KCNMA1: variants seen among roughly 807,000 people sequenced by gnomAD.
KCNMA1 encodes the protein Calcium-activated potassium channel subunit alpha-1.
In KCNMA1, 29 loss-of-function variants were observed where a neutral mutation model predicts 140.0. The observed-to-expected ratio is 0.21, with a 90% CI of 0.15 to 0.28. The LOEUF is 0.28. Ranked by LOEUF, KCNMA1 falls within the 10% of genes least tolerant of loss-of-function variation. The pLI is 1.00. For synonymous variants in KCNMA1, 612 were observed against 611.9 expected, an observed-to-expected ratio of 1.00 and a Z score of 0.00; for missense variants, 880 against 1,602.2, an observed-to-expected ratio of 0.55 and a Z score of 7.70.
At chr10:76,925,439 A>G (rs924647688) in intron 23 of KCNMA1, among the ~76,000 whole-genome samples, 13 of 152,218 alleles carry the variant, frequency 8.5e-5, no homozygotes, top group Non-Finnish European at 1.9e-4. Flanking sequence ...AGGCAGATAT[A>G]TACATTACAA....
Position 77,472,764 on chromosome 10 carries a change from G to C in KCNMA1, c.379-68741C>G, listed in dbSNP as rs148536772. Among the ~76,000 whole-genome samples, 159 of 152,322 alleles carry C rather than the reference G, an allele frequency of 1.0e-3. 6 individuals carry two copies. In the East Asian group the frequency reaches 0.024, roughly 23 times the overall value. ...TTTTAGTCTTTCATCTGTGACATCT[G>C]TGGAGAGCGCTGGAGCTTGTGTTTA... On this transcript the variant is annotated intron_variant, in intron 1 of 27. Coordinates refer to ENST00000286628, the MANE Select transcript of KCNMA1 (RefSeq NM_001161352.2).
chr10:77,235,901 C>A (rs2055263472), intron 3 of KCNMA1, among the ~76,000 whole-genome samples: 1 of 152,156 alleles, frequency 6.6e-6, no homozygotes, highest in South Asian at 2.1e-4. Flanking sequence ...ATGTCTAAGC[C>A]CTTGGAGTGT....
intron 2 of KCNMA1, among the ~76,000 whole-genome samples, chr10:77,387,582 T>C (rs11002146): frequency 6.7e-6 from 1 of 148,866 alleles, no homozygotes; most frequent in African/African-American, 2.6e-5. Context: ...TTTTTTTTCT[T>C]TTCTCTTTTC....
intron 2 of KCNMA1, among the ~76,000 whole-genome samples, chr10:77,386,758 TC>T (rs1325999536): frequency 6.6e-6 from 1 of 152,200 alleles, no homozygotes; most frequent in African/African-American, 2.4e-5. Flanking sequence ...CTGCCTCTGC[TC>T]CCCACTGCAA....
rs185975119 is a variant in KCNMA1 at position 77,255,342 on chromosome 10, G to A, written c.541-4086C>T. Among the ~76,000 whole-genome samples the A allele has an allele frequency of 1.6e-4, 25 of 152,296 alleles. 1 individual carries two copies. The highest frequency in any genetic ancestry group is 1.4e-3 in the Admixed American group (22 of 15,300). ...GGGCAGGGTGCAGTGGCTCATGCCTGTAATCCCAGCACTTTGGGAGGCCAT... is the reference window on the plus strand; with the variant it reads ...GGGCAGGGTGCAGTGGCTCATGCCTATAATCCCAGCACTTTGGGAGGCCAT... On this transcript the variant is annotated intron_variant, in intron 2 of 27. Transcript: ENST00000286628.
chr10:76,882,560 T>A (rs1028357780), downstream of KCNMA1, among the ~76,000 whole-genome samples: 1 of 152,194 alleles, frequency 6.6e-6, no homozygotes, highest in African/African-American at 2.4e-5. Context: ...AGATACAAAT[T>A]ATTTGTACCA....
chr10:77,425,773 A>T (rs949170296), intron 1 of KCNMA1, among the ~76,000 whole-genome samples: 5 of 152,180 alleles, frequency 3.3e-5, no homozygotes, highest in African/African-American at 1.2e-4. Flanking sequence ...GAGGACATTT[A>T]AAAATGCATG....
chr10:76,993,682 A>T (rs1215178814), intron 19 of KCNMA1, among the ~76,000 whole-genome samples: 1 of 152,122 alleles, frequency 6.6e-6, no homozygotes, highest in East Asian at 1.9e-4. Context: ...CCCTGCAGCC[A>T]CAGCAGCCCT....
chr10:77,051,979 C>G (rs2095384353), intron 14 of KCNMA1, among the ~76,000 whole-genome samples: 1 of 152,178 alleles, frequency 6.6e-6, no homozygotes, highest in Non-Finnish European at 1.5e-5. Flanking sequence ...ACCTTGTAGA[C>G]AGTCTATACA....
intron 1 of KCNMA1, among the ~76,000 whole-genome samples, chr10:77,589,269 G>A (rs991775388): frequency 3.9e-5 from 6 of 152,168 alleles, no homozygotes; most frequent in African/African-American, 1.4e-4. Context: ...GACTGGGGAG[G>A]CAGCACTGGA....
rs530682531 is a variant in KCNMA1 at position 77,303,767 on chromosome 10, C to T, written c.541-52511G>A. The stretch of plus-strand genomic sequence containing the variant: ...AATTCTTGGGCCACAGACTTAAAGA[C>T]TCAGAATTTGAGCCCATGGATTCTT... On this transcript the variant is annotated intron_variant, in intron 2 of 27. Transcript: ENST00000286628. Among the ~76,000 whole-genome samples, 4 of 152,272 alleles carry T rather than the reference C, an allele frequency of 2.6e-5. No individual in the cohort carries two copies. In the East Asian group the frequency reaches 7.7e-4, roughly 29 times the overall value.
At chr10:77,198,699 G>A (rs971903898) in intron 3 of KCNMA1, among the ~76,000 whole-genome samples, 2 of 151,490 alleles carry the variant, frequency 1.3e-5, no homozygotes, top group Non-Finnish European at 2.9e-5. Flanking sequence ...CTAAAAACTA[G>A]TTTCCTGTAA....
chr10:77,343,519 C>T (rs1446702701), intron 2 of KCNMA1, among the ~76,000 whole-genome samples: 2 of 152,124 alleles, frequency 1.3e-5, no homozygotes, highest in Non-Finnish European at 2.9e-5. Context: ...GAGGTGCCTT[C>T]CTGGCTGTTG....
At chr10:77,037,663 G>T (rs2094424658) in intron 15 of KCNMA1, among the ~76,000 whole-genome samples, 1 of 152,128 alleles carries the variant, frequency 6.6e-6, no homozygotes. Flanking sequence ...AGCCAAGGAA[G>T]GGGGCTTGAC....
intron 1 of KCNMA1, among the ~76,000 whole-genome samples, chr10:77,497,221 T>C (rs959306249): frequency 6.6e-6 from 1 of 152,232 alleles, no homozygotes; most frequent in Non-Finnish European, 1.5e-5. Context: ...AACTGTCTTT[T>C]ATGAATAATC....
chr10:77,554,292 A>G (rs2063590195), intron 1 of KCNMA1, among the ~76,000 whole-genome samples: 1 of 152,162 alleles, frequency 6.6e-6, no homozygotes, highest in Non-Finnish European at 1.5e-5. Flanking sequence ...GAGGTAAGGA[A>G]GAGTCCAAAG....
intron 25 of KCNMA1, among the ~76,000 whole-genome samples, chr10:76,900,569 T>G (rs925355059): frequency 6.6e-6 from 1 of 152,058 alleles, no homozygotes; most frequent in Non-Finnish European, 1.5e-5. Flanking sequence ...AGGCAAAAAA[T>G]GTAGCCACAA....
intron 3 of KCNMA1, among the ~76,000 whole-genome samples, chr10:77,242,286 C>T (rs1026164325): frequency 4.6e-5 from 7 of 152,086 alleles, no homozygotes; most frequent in African/African-American, 9.7e-5. Flanking sequence ...TATTTTATGC[C>T]GTCCCTGAAG....
intron 19 of KCNMA1, among the ~76,000 whole-genome samples, chr10:76,987,862 A>T (rs947933939): frequency 3.3e-5 from 5 of 152,202 alleles, no homozygotes; most frequent in African/African-American, 9.6e-5. Flanking sequence ...CTTAAAAAAC[A>T]AGGAACCATC....
Sources: allele counts gnomAD v4.1 joint callset (sites outside exome capture counted in the v4.1 genomes callset), GRCh38; gene constraint gnomAD v4.1.1; transcripts MANE v1.5; gene names NCBI Gene and HGNC (gene_info 2026-07-23, HGNC 2026-07-21).